Variants in ZNF682 observed in about 807,000 individuals in gnomAD.
The protein encoded by ZNF682 is zinc finger protein 682.
ZNF682 carries 29 observed loss-of-function variants against 36.5 expected under a neutral mutation model. The ratio of observed to expected loss-of-function variants is 0.80; its 90% CI spans 0.59 to 1.08. The LOEUF is 1.08. Ranked by LOEUF, ZNF682 falls within the 50% of genes least tolerant of loss-of-function variation. The pLI, the probability that ZNF682 is intolerant of heterozygous loss-of-function variation, is 0.00. For synonymous variants in ZNF682, 180 were observed against 197.0 expected (o/e 0.91, Z 0.72); for missense variants, 561 against 579.7 (o/e 0.97, Z 0.33).
chr19:20,036,585 A>C (rs2088530794), intron 1 of ZNF682, among the ~76,000 whole-genome samples: 1 of 131,444 alleles, frequency 7.6e-6, no homozygotes, highest in Non-Finnish European at 1.6e-5. Context: ...CAGCCTGGAC[A>C]ACAAGAGTGA....
chr19:20,012,572 C>G (rs1290271470), intron 3 of ZNF682, among the ~76,000 whole-genome samples: 1 of 151,932 alleles, frequency 6.6e-6, no homozygotes, highest in African/African-American at 2.4e-5. Flanking sequence ...TCAAGACCAT[C>G]CTGGCTAACA....
intron 1 of ZNF682, among the ~76,000 whole-genome samples, chr19:20,036,803 TA>T (rs71340312): frequency 6.8e-5 from 2 of 29,538 alleles, no homozygotes; most frequent in Non-Finnish European, 1.2e-4. Context: ...GCTGTCTCTA[TA>T]AAAAAAAAAG....
downstream of ZNF682, among the ~76,000 whole-genome samples, chr19:19,996,182 C>T (rs1356242912): frequency 1.3e-5 from 2 of 152,224 alleles, no homozygotes; most frequent in African/African-American, 4.8e-5. Context: ...ACCCATCCCA[C>T]TCCAATATTT....
rs2088233486 is a variant in ZNF682, at chr19:20,007,127, A to T, written c.375T>A (p.Asp125Glu). 2 of 1,613,464 alleles carry T rather than the reference A, an allele frequency of 1.2e-6. No homozygotes were observed. Among genetic ancestry groups the T allele is most frequent in the Non-Finnish European group, 1.7e-6 (2 of 1,179,974 alleles). The change falls in exon 4 of 4, where the codon GAT becomes GAA. Residue 125 changes from aspartate to glutamate, a missense_variant. Coordinates refer to ENST00000397165, the MANE Select transcript of ZNF682 (RefSeq NM_033196.3). ...KDGENVGECKDQKEIYNGLNQ... is the reference protein window; with the variant it reads ...KDGENVGECKEQKEIYNGLNQ... The stretch of plus-strand genomic sequence containing the variant: ...TAAGTCCATTATAAATTTCTTTTTG[A>T]TCCTTACACTCACCCACATTTTCCC...
At chr19:20,020,412 G>A (rs963504914) in intron 3 of ZNF682, among the ~76,000 whole-genome samples, 2 of 152,126 alleles carry the variant, frequency 1.3e-5, no homozygotes. Flanking sequence ...CAGCAGAATC[G>A]TTTGAACCCG....
At chr19:20,015,815 A>G (rs1169901697) in intron 3 of ZNF682, 6 of 398,128 alleles carry the variant, frequency 1.5e-5, no homozygotes, top group Non-Finnish European at 2.7e-5. Flanking sequence ...TCTTCTTTTT[A>G]CACAAAATGG....
intron 3 of ZNF682, among the ~76,000 whole-genome samples, chr19:20,019,975 T>C (rs1015801554): frequency 1.1e-4 from 17 of 147,946 alleles, no homozygotes; most frequent in Admixed American, 1.0e-3. Flanking sequence ...ATTTTGGGAA[T>C]CTGAGGTAAG....
chr19:20,010,643 C>T (rs917431477), intron 3 of ZNF682, among the ~76,000 whole-genome samples: 14 of 151,402 alleles, frequency 9.2e-5, no homozygotes, highest in African/African-American at 3.2e-4. Context: ...GGTGACAGAT[C>T]GAGACTCTGT....
chr19:20,025,549 T>C (rs1015029073), intron 1 of ZNF682, among the ~76,000 whole-genome samples: 7 of 152,064 alleles, frequency 4.6e-5, no homozygotes, highest in African/African-American at 7.2e-5. Flanking sequence ...TGGTGGCACG[T>C]GCCTGTAATC....
At chr19:20,012,258 G>C (rs984720475) in intron 3 of ZNF682, among the ~76,000 whole-genome samples, 4 of 151,836 alleles carry the variant, frequency 2.6e-5, no homozygotes, top group Non-Finnish European at 4.4e-5. Flanking sequence ...AAATAATATT[G>C]AAACCAAGAA....
chr19:20,014,965 G>T (rs145912221), intron 3 of ZNF682, among the ~76,000 whole-genome samples: 1 of 152,140 alleles, frequency 6.6e-6, no homozygotes, highest in African/African-American at 2.4e-5. Context: ...CAGTCAAGGG[G>T]GAAAATGAGT....
Position 20,006,824 on chromosome 19 carries a change from C to T in ZNF682, c.678G>A (p.Glu226=). Residue 226 remains glutamate (E), a synonymous_variant, in exon 4 of 4, where the codon GAG becomes GAA. Transcript: ENST00000397165. ...LTKHKRIHTG[E]KPYKCEECGK... ...CACATTCTTCACATTTGTATGGTTT[C>T]TCTCCAGTGTGAATTCTCTTATGTT... 1.2e-6 allele frequency: 2 copies of T among 1,614,144 alleles called. No homozygotes were observed. The highest frequency in any genetic ancestry group is 1.7e-6 in the Non-Finnish European group (2 of 1,180,012).
intron 3 of ZNF682, among the ~76,000 whole-genome samples, chr19:20,014,850 T>C (rs952027162): frequency 2.0e-5 from 3 of 150,346 alleles, no homozygotes; most frequent in Non-Finnish European, 4.4e-5. Context: ...TGATGCTAAG[T>C]AAAATAAGCC....
At chr19:20,019,857 C>T (rs892303539) in intron 3 of ZNF682, among the ~76,000 whole-genome samples, 2 of 152,020 alleles carry the variant, frequency 1.3e-5, no homozygotes, top group Non-Finnish European at 2.9e-5. Flanking sequence ...GCACTGACTT[C>T]ACCACCATGC....
intron 3 of ZNF682, chr19:20,015,400 C>G (rs977517445): frequency 2.0e-6 from 2 of 984,570 alleles, no homozygotes; most frequent in African/African-American, 3.5e-5. Context: ...TGATTCATAT[C>G]TGACTTTTGC....
chr19:20,020,236 A>G (rs2088372085), intron 3 of ZNF682, among the ~76,000 whole-genome samples: 2 of 152,136 alleles, frequency 1.3e-5, no homozygotes, highest in East Asian at 3.9e-4. Flanking sequence ...AGTGGCTCAC[A>G]CCCGTAATAC....
chr19:20,019,020 A>G (rs530896855), intron 3 of ZNF682, among the ~76,000 whole-genome samples: 1 of 152,354 alleles, frequency 6.6e-6, no homozygotes, highest in South Asian at 2.1e-4. Flanking sequence ...GTTAATTTTC[A>G]CAATATATAA....
chr19:19,999,132 C>T (rs1440016564), intron 3 of ZNF682, among the ~76,000 whole-genome samples: 1 of 152,104 alleles, frequency 6.6e-6, no homozygotes, highest in African/African-American at 2.4e-5. Context: ...GAGTCATCAC[C>T]AGAGCTCAGC....
intron 3 of ZNF682, chr19:20,015,682 A>T (rs1438342474): frequency 2.6e-6 from 1 of 388,982 alleles, no homozygotes; most frequent in African/African-American, 2.1e-5. Flanking sequence ...AATCAAGAGC[A>T]TACAGTTAGA....
Sources: gnomAD v4.1 joint callset for allele counts (sites outside exome capture counted in the v4.1 genomes callset) on GRCh38, gnomAD v4.1.1 for gene constraint, MANE v1.5 for transcripts, NCBI Gene and HGNC (gene_info 2026-07-23, HGNC 2026-07-21) for gene names.